Variants in DOCK8 observed in about 807,000 individuals in gnomAD.
DOCK8 encodes the protein dedicator of cytokinesis protein 8.
A neutral mutation model predicts 245.6 loss-of-function variants in DOCK8; 141 were observed. That is an observed-to-expected ratio of 0.57 (90% CI 0.50 to 0.66). The LOEUF (loss-of-function observed/expected upper bound fraction) is 0.66, where lower values mean the gene tolerates loss of function less well. Among genes scored for constraint, DOCK8 ranks in the 30% least tolerant of loss-of-function variants. The pLI, the probability that DOCK8 is intolerant of heterozygous loss-of-function variation, is 0.00. For missense variants in DOCK8, 2,965 were observed against 2,603.4 expected (o/e 1.14, Z -3.02); for synonymous variants, 1,168 against 970.2 (o/e 1.20, Z -3.79).
intron 2 of DOCK8, among the ~76,000 whole-genome samples, chr9:275,569 T>G (rs1224444576): frequency 6.6e-6 from 1 of 152,146 alleles, no homozygotes; most frequent in Non-Finnish European, 1.5e-5. Flanking sequence ...TTTAAACAGC[T>G]CTGTTATTTA....
rs192847536 is a variant in DOCK8, at chr9:266,325, C to A, written c.54-5302C>A. Among the ~76,000 whole-genome samples the A allele has an allele frequency of 3.3e-5, 5 of 152,210 alleles. No individual in the cohort carries two copies. The East Asian group carries it at 7.7e-4, about 23-fold the overall frequency. On this transcript the variant is annotated intron_variant, in intron 1 of 47. Transcript: ENST00000432829. The stretch of plus-strand genomic sequence containing the variant: ...CCCACTGGATCAGGCTTCCCAGGAA[C>A]AGCAACAGAGAGCCCAGCAATTTGT...
intron 26 of DOCK8, among the ~76,000 whole-genome samples, chr9:399,573 C>T (rs1406415591): frequency 6.6e-6 from 1 of 152,094 alleles, no homozygotes; most frequent in Non-Finnish European, 1.5e-5. Flanking sequence ...CTATACAGTG[C>T]TTTCAGTCTT....
intron 1 of DOCK8, among the ~76,000 whole-genome samples, chr9:250,190 G>T (rs185839814): frequency 6.6e-6 from 1 of 152,200 alleles, no homozygotes; most frequent in Non-Finnish European, 1.5e-5. Flanking sequence ...AGAGAGGGCT[G>T]AGTTGTTTGT....
intron 14 of DOCK8, among the ~76,000 whole-genome samples, chr9:361,124 G>T (rs962446975): frequency 1.3e-5 from 2 of 152,090 alleles, no homozygotes; most frequent in Non-Finnish European, 2.9e-5. Context: ...CTGTGATCAC[G>T]CCACAGCACT....
chr9:315,385 G>A (rs988724259), intron 6 of DOCK8, among the ~76,000 whole-genome samples: 5 of 152,148 alleles, frequency 3.3e-5, no homozygotes, highest in Non-Finnish European at 7.3e-5. Context: ...ATATAGCTTA[G>A]AAGAGACTGA....
intron 44 of DOCK8, among the ~76,000 whole-genome samples, chr9:449,001 A>G (rs2131860357): frequency 6.6e-6 from 1 of 152,304 alleles, no homozygotes; most frequent in South Asian, 2.1e-4. Flanking sequence ...CTGTGTTATG[A>G]TGGGGGAGAA....
chr9:279,289 A>G (rs929407697), intron 2 of DOCK8, among the ~76,000 whole-genome samples: 3 of 152,224 alleles, frequency 2.0e-5, no homozygotes, highest in African/African-American at 7.2e-5. Context: ...TAAATTATCA[A>G]GTAGTGATGT....
intron 24 of DOCK8, among the ~76,000 whole-genome samples, chr9:396,250 G>T (rs563589089): frequency 2.0e-5 from 3 of 152,096 alleles, no homozygotes; most frequent in Non-Finnish European, 4.4e-5. Flanking sequence ...GAAGATAACT[G>T]CTGGAAACTA....
chr9:382,434 C>A, intron 21 of DOCK8, 79 bp from the exon 22 acceptor site: 1 of 1,588,594 alleles, frequency 6.3e-7, no homozygotes, highest in Non-Finnish European at 8.6e-7. Context: ...CCACCCTATC[C>A]CTCTTCAATT....
chr9:228,345 G>C (rs749252265), intron 1 of DOCK8, among the ~76,000 whole-genome samples: 6 of 152,104 alleles, frequency 3.9e-5, no homozygotes, highest in Admixed American at 2.6e-4. Flanking sequence ...CCAGCATTAA[G>C]ACTTCTAACA....
intron 18 of DOCK8, 40 bp from the exon 19 acceptor site, chr9:376,170 G>C: frequency 7.1e-7 from 1 of 1,408,484 alleles, no homozygotes; most frequent in South Asian, 1.2e-5. Context: ...TCAGAAAAGG[G>C]AATTGGATTG....
rs774571345 is a variant in DOCK8 at position 340,145 on chromosome 9, T to C, written c.1517-14T>C. On this transcript the variant is annotated splice_polypyrimidine_tract_variant and intron_variant, in intron 13 of 47. Coordinates refer to ENST00000432829, the MANE Select transcript of DOCK8 (RefSeq NM_203447.4). The stretch of plus-strand genomic sequence containing the variant: ...CAGTTTCTTTACTAGAACATTCCTA[T>C]TTTCTCTCTTTAGGCTTGCTAAGAC... 6 of 1,613,544 alleles carry C rather than the reference T, an allele frequency of 3.7e-6. No individual in the cohort carries two copies. The African/African-American group carries it at 8.0e-5, about 22-fold the overall frequency.
intron 36 of DOCK8, among the ~76,000 whole-genome samples, chr9:431,572 G>A (rs1243979285): frequency 6.6e-6 from 1 of 152,154 alleles, no homozygotes; most frequent in Non-Finnish European, 1.5e-5. Context: ...GCAGTGGCGA[G>A]ATCTTGGCCC....
In DOCK8 at chr9:328,050, A is replaced by G. The variant is rs767154703; in HGVS notation, c.923A>G (p.Asn308Ser). 13 of 1,614,160 alleles carry G rather than the reference A, an allele frequency of 8.1e-6. No individual in the cohort carries two copies. The highest frequency in any genetic ancestry group is 1.1e-5 in the Non-Finnish European group (13 of 1,180,008). The change falls in exon 9 of 48, where the codon AAC becomes AGC. Residue 308 changes from asparagine to serine, a missense_variant. Asn to Ser is a conservative substitution (Grantham distance 46). This residue lies in a region of DOCK8 where 2,825 missense variants were observed against 2,453.5 expected (regional missense o/e 1.15). Coordinates refer to ENST00000432829, the MANE Select transcript of DOCK8 (RefSeq NM_203447.4). ...TCAGAAAATTTTCACTGTGACCTGA[A>G]CTCTGACCAGTTCAAAGGATTTCTG... is the stretch of plus-strand genomic sequence containing the variant. ...KISENFHCDL[N>S]SDQFKGFLRA...
chr9:313,121 A>G (rs2050197925), intron 6 of DOCK8, among the ~76,000 whole-genome samples: 1 of 152,206 alleles, frequency 6.6e-6, no homozygotes, highest in South Asian at 2.1e-4. Context: ...GGAGGACAAT[A>G]AAGGAAACAG....
At chr9:351,277 A>C (rs2052154484) in intron 14 of DOCK8, among the ~76,000 whole-genome samples, 1 of 152,162 alleles carries the variant, frequency 6.6e-6, no homozygotes, top group East Asian at 1.9e-4. Flanking sequence ...TTGGACCTGG[A>C]GAAATCAGTT....
chr9:275,050 G>T (rs140801245), intron 2 of DOCK8, among the ~76,000 whole-genome samples: 1,619 of 152,324 alleles, frequency 0.011, 14 homozygotes, highest in Middle Eastern at 0.02. Flanking sequence ...CTGGGATGAG[G>T]TACAGTTGTC....
In DOCK8 at chr9:240,875, C is replaced by A. The variant is rs555166894; in HGVS notation, c.53+25846C>A. On this transcript the variant is annotated intron_variant, in intron 1 of 47. Transcript: ENST00000432829. ...CTTATCTCTTAAATAAAAAAATATT[C>A]TATTCCATAGGGCTGTTATGAGAAC... Among the ~76,000 whole-genome samples the A allele has an allele frequency of 2.6e-5, 4 of 152,100 alleles. No homozygotes were observed. The South Asian group carries it at 6.2e-4, about 24-fold the overall frequency.
intron 46 of DOCK8, chr9:456,360 A>G (rs984816417): frequency 1.3e-5 from 2 of 152,240 alleles, no homozygotes; most frequent in African/African-American, 4.8e-5. Context: ...GAGGTGACGC[A>G]GAAGTGGAAA....
Sources: allele counts gnomAD v4.1 joint callset (sites outside exome capture counted in the v4.1 genomes callset), GRCh38; gene constraint gnomAD v4.1.1; regional missense constraint gnomAD v4.1.1; transcripts MANE v1.5; gene names NCBI Gene and HGNC (gene_info 2026-07-23, HGNC 2026-07-21).